The following SLC38A12 variants were observed in gnomAD, a reference collection of about 807,000 sequenced individuals.
SLC38A12 encodes the protein solute carrier family 38 member 12.
the SLC38A12 span, among the ~76,000 whole-genome samples, chr17:74,788,031 T>C: frequency 6.6e-6 from 1 of 152,090 alleles, no homozygotes; most frequent in African/African-American, 2.4e-5. Context: ...CCTGACCTTG[T>C]GATCCACCCA....
At chr17:74,809,454 G>T in the SLC38A12 span, among the ~76,000 whole-genome samples, 8 of 152,068 alleles carry the variant, frequency 5.3e-5, no homozygotes, top group East Asian at 3.9e-4. Context: ...TGTCCCTCCC[G>T]TGCTGTCCAG....
the SLC38A12 span, among the ~76,000 whole-genome samples, chr17:74,817,204 GCT>G: frequency 6.6e-6 from 1 of 152,154 alleles, no homozygotes. Context: ...TCATCTGGGT[GCT>G]CTCTGATGTG....
chr17:74,836,305 C>A, the SLC38A12 span: 3 of 1,612,748 alleles, frequency 1.9e-6, no homozygotes, highest in Non-Finnish European at 2.5e-6. The surrounding 1 kb of genome is among the most constrained non-coding windows in gnomAD (Gnocchi z 4.2). Flanking sequence ...ACCAACTTCC[C>A]CATCATTGCC....
At chr17:74,819,752 G>T in the SLC38A12 span, 1 of 1,614,178 alleles carries the variant, frequency 6.2e-7, no homozygotes, top group Non-Finnish European at 8.5e-7. Flanking sequence ...TCCCCCAGGC[G>T]ATCTTCACTC....
At chr17:74,809,916 A>G in the SLC38A12 span, among the ~76,000 whole-genome samples, 18 of 152,186 alleles carry the variant, frequency 1.2e-4, no homozygotes, top group East Asian at 1.9e-4. Context: ...ATGTGCCCAG[A>G]GTTCATCTTT....
At chr17:74,819,392 C>T in the SLC38A12 span, among the ~76,000 whole-genome samples, 1 of 152,206 alleles carries the variant, frequency 6.6e-6, no homozygotes, top group Non-Finnish European at 1.5e-5. Flanking sequence ...TGTCTCTAGC[C>T]CATGCTCATG....
the SLC38A12 span, among the ~76,000 whole-genome samples, chr17:74,822,386 G>A: frequency 2.0e-5 from 3 of 151,066 alleles, no homozygotes; most frequent in Admixed American, 6.6e-5. Context: ...TGAGGCTCCC[G>A]GGGCCCTGCA....
chr17:74,821,114 C>G, the SLC38A12 span, among the ~76,000 whole-genome samples: 19 of 152,350 alleles, frequency 1.2e-4, no homozygotes, highest in African/African-American at 4.6e-4. Flanking sequence ...CCACTCCACT[C>G]TGAGGGGTTG....
chr17:74,795,192 A>G, the SLC38A12 span: 1 of 1,193,736 alleles, frequency 8.4e-7, no homozygotes, highest in Non-Finnish European at 1.2e-6. Context: ...CCAGGGGAGA[A>G]GCACCATGCC....
chr17:74,830,197 C>T, the SLC38A12 span, among the ~76,000 whole-genome samples: 2 of 152,256 alleles, frequency 1.3e-5, no homozygotes, highest in Non-Finnish European at 2.9e-5. Flanking sequence ...GCTACAAGGG[C>T]TTGGCCCAGT....
the SLC38A12 span, chr17:74,790,397 A>G: frequency 2.5e-5 from 27 of 1,067,234 alleles, no homozygotes; most frequent in Non-Finnish European, 3.6e-5. Flanking sequence ...AGATTCTGGC[A>G]TTTCCTGCCC....
the SLC38A12 span, among the ~76,000 whole-genome samples, chr17:74,819,530 G>A: frequency 3.5e-4 from 53 of 152,372 alleles, no homozygotes; most frequent in African/African-American, 1.0e-3. Context: ...AACAGTACAT[G>A]TGAGCAGCAG....
chr17:74,817,101 G>A, the SLC38A12 span, among the ~76,000 whole-genome samples: 1,557 of 149,414 alleles, frequency 0.01, 24 homozygotes, highest in African/African-American at 0.037. Flanking sequence ...TTGTCACTCC[G>A]GATGCCTGCT....
the SLC38A12 span, chr17:74,790,898 C>T: frequency 6.5e-7 from 1 of 1,539,568 alleles, no homozygotes; most frequent in East Asian, 2.3e-5. Flanking sequence ...CCTCACCACC[C>T]TCTGAAGCTC....
At chr17:74,813,596 G>C in the SLC38A12 span, among the ~76,000 whole-genome samples, 1 of 152,146 alleles carries the variant, frequency 6.6e-6, no homozygotes, top group Non-Finnish European at 1.5e-5. Context: ...TGCCTCCCGG[G>C]TTCAAGCCGT....
chr17:74,785,439 T>A, the SLC38A12 span: 1 of 1,595,278 alleles, frequency 6.3e-7, no homozygotes. Context: ...AGGGGAGAAG[T>A]TGATTAAGTT....
At chr17:74,836,399 C>A in the SLC38A12 span, 1 of 1,611,532 alleles carries the variant, frequency 6.2e-7, no homozygotes. The surrounding 1 kb of genome is among the most constrained non-coding windows in gnomAD (Gnocchi z 4.2). Context: ...TCGTGTTTCC[C>A]ACCATCACCC....
the SLC38A12 span, among the ~76,000 whole-genome samples, chr17:74,828,817 G>A: frequency 6.6e-6 from 1 of 152,262 alleles, no homozygotes. Context: ...GCAGATGACA[G>A]GGTTAGAGTG....
chr17:74,807,946 G>A, the SLC38A12 span, among the ~76,000 whole-genome samples: 1 of 152,258 alleles, frequency 6.6e-6, no homozygotes, highest in Non-Finnish European at 1.5e-5. Context: ...CGTCAGGCTT[G>A]TGAAGAGCCG....
Sources: gnomAD v4.1 joint callset for allele counts (sites outside exome capture counted in the v4.1 genomes callset) on GRCh38, gnomAD v4.1.1 for gene constraint, Gnocchi (gnomAD v3.1) non-coding constraint, MANE v1.5 for transcripts, NCBI Gene and HGNC (gene_info 2026-07-23, HGNC 2026-07-21) for gene names.